Variants in OSGIN1 observed in about 807,000 individuals in gnomAD.
OSGIN1 encodes the protein oxidative stress-induced growth inhibitor 1.
A neutral mutation model predicts 20.1 loss-of-function variants in OSGIN1; 19 were observed. The observed-to-expected ratio is 0.95, with a 90% confidence interval of 0.66 to 1.39. The LOEUF (loss-of-function observed/expected upper bound fraction) is 1.39, where lower values mean the gene tolerates loss of function less well. Ranked by LOEUF, OSGIN1 falls within the 40% of genes most tolerant of loss-of-function variation. OSGIN1 has a pLI of 0.00. For synonymous variants in OSGIN1, 368 were observed against 297.8 expected (o/e 1.24, Z -2.43); for missense variants, 820 against 653.0 (o/e 1.26, Z -2.79).
chr16:83,960,513 T>G, intron 3 of OSGIN1, 56 bp from the exon 4 acceptor site: 1 of 1,446,580 alleles, frequency 6.9e-7, no homozygotes, highest in Non-Finnish European at 9.6e-7. Context: ...CCTCAGGCTC[T>G]GGGAAGACGA....
intron 1 of OSGIN1, among the ~76,000 whole-genome samples, chr16:83,956,513 AG>A (rs1455618544): frequency 6.6e-6 from 1 of 152,074 alleles, no homozygotes; most frequent in Non-Finnish European, 1.5e-5. Context: ...CTGGATCTCG[AG>A]GGACAGGCCG....
At chr16:83,964,589 A>G (rs995757778) in intron 5 of OSGIN1, among the ~76,000 whole-genome samples, 14 of 152,172 alleles carry the variant, frequency 9.2e-5, no homozygotes, top group African/African-American at 3.4e-4. Flanking sequence ...ATTTGAGGTG[A>G]CAATCATGGT....
At chr16:83,960,095 A>G (rs552510027) in intron 3 of OSGIN1, among the ~76,000 whole-genome samples, 5 of 152,244 alleles carry the variant, frequency 3.3e-5, no homozygotes, top group East Asian at 1.9e-4. Context: ...CTAGATCAGC[A>G]TTTTTCAAAG....
At chr16:83,961,397 C>G in intron 5 of OSGIN1, 1 of 347,462 alleles carries the variant, frequency 2.9e-6, no homozygotes, top group Non-Finnish European at 5.5e-6. Flanking sequence ...TAAACAGTTG[C>G]ATTCTTTTGA....
At chr16:83,959,182 A>C in intron 2 of OSGIN1, 78 bp from the exon 3 acceptor site, 1 of 994,562 alleles carries the variant, frequency 1.0e-6, no homozygotes, top group Non-Finnish European at 1.6e-6. Flanking sequence ...AATGCGCCGC[A>C]TCTAGATCAA....
At position 83,957,658 on chromosome 16, in the gene OSGIN1, G is replaced by GC. The variant is rs768915435; in HGVS notation, c.-8dup. On this transcript the variant is annotated 5_prime_UTR_variant, in exon 2 of 6. Coordinates refer to ENST00000393306, the MANE Select transcript of OSGIN1 (RefSeq NM_182981.3). ...ACTCCAGGTCCGCTGCCAGCCCCAA[G>GC]CCCCCCACCAGCCATGAGCTCCTCC... The GC allele has an allele frequency of 1.9e-6, 3 of 1,594,456 alleles. No homozygotes were observed. The highest frequency in any genetic ancestry group is 1.7e-4 in the Middle Eastern group (1 of 6,036).
chr16:83,965,450 GC>G lies in OSGIN1; in HGVS notation c.878del (p.Ala293GlyfsTer19). On this transcript the variant is annotated frameshift_variant, in exon 6 of 6. Transcript: ENST00000393306. LOFTEE classifies it low-confidence loss of function (END_TRUNC). ...PASDPVLIIG[A>X]GLSAADAVLY... Reference sequence around the variant, plus strand: ...CTCAGACCCTGTCCTCATCATTGGCGCGGGGCTGTCAGCGGCCGACGCGGTC... The same window carrying G: ...CTCAGACCCTGTCCTCATCATTGGCGGGGGCTGTCAGCGGCCGACGCGGTC... 1 of 1,598,104 alleles carries G rather than the reference GC, an allele frequency of 6.3e-7. No homozygotes were observed. Among genetic ancestry groups the G allele is most frequent in the Non-Finnish European group, 8.5e-7 (1 of 1,176,118 alleles).
Position 83,965,236 on chromosome 16 carries a change from G to A in OSGIN1, c.663G>A (p.Gln221=), listed in dbSNP as rs1053684228. 1.9e-6 allele frequency: 3 copies of A among 1,612,520 alleles called. No individual in the cohort carries two copies. Among genetic ancestry groups the A allele is most frequent in the Admixed American group, 3.3e-5 (2 of 60,000 alleles). The change falls in exon 6 of 6, where the codon CAG becomes CAA. Residue 221 remains glutamine (Q), a synonymous_variant. Transcript: ENST00000393306. ...CGAQDSSPLF[Q]VSGFLTRNQA... ...CCCAGGACTCCAGCCCCCTCTTCCA[G>A]GTGAGCGGCTTCCTGACCAGGAACC...
chr16:83,965,723 GAGA>G lies in OSGIN1; in HGVS notation c.1153_1155del (p.Lys385del). ...CGTGTTCCAGGACCTCGAGGGTGTC[GAGA>G]AGGTGTTTGGGGTCTCCCTGGTGCT... On this transcript the variant is annotated inframe_deletion, in exon 6 of 6. Coordinates refer to ENST00000393306, the MANE Select transcript of OSGIN1 (RefSeq NM_182981.3). The G allele has an allele frequency of 6.2e-7, 1 of 1,613,662 alleles. No individual in the cohort carries two copies. The highest frequency in any genetic ancestry group is 1.1e-5 in the South Asian group (1 of 91,078).
Position 83,961,263 on chromosome 16 carries a change from G to C in OSGIN1, c.488+191G>C. 5.2e-6 allele frequency: 3 copies of C among 581,800 alleles called. No individual in the cohort carries two copies. In the Admixed American group the frequency reaches 8.9e-5, roughly 17 times the overall value. The allele number at this position is 581,800 out of a possible 1,614,324, so 36.0% of individuals were successfully genotyped here. ...GCACAGCTTGGTTTTATACATTTTAGGGAGACATGAGACATCAATCAATAT... is the reference window on the plus strand; with the variant it reads ...GCACAGCTTGGTTTTATACATTTTACGGAGACATGAGACATCAATCAATAT... On this transcript the variant is annotated intron_variant, in intron 5 of 5. Transcript: ENST00000393306.
chr16:83,965,907 T>G lies in OSGIN1; in HGVS notation c.1334T>G (p.Met445Arg). The G allele has an allele frequency of 6.2e-7, 1 of 1,612,780 alleles. No individual in the cohort carries two copies. The highest frequency in any genetic ancestry group is 8.5e-7 in the Non-Finnish European group (1 of 1,179,978). The change falls in exon 6 of 6, where the codon ATG (methionine) becomes AGG (arginine). Residue 445 changes from methionine (M) to arginine (R), a missense_variant. Transcript: ENST00000393306. ...ACCCGCCAGGAGGGCCTGTACGCCATGGGGCCGCTGGCCGGGGACAACTTC... is the reference window on the plus strand; with the variant it reads ...ACCCGCCAGGAGGGCCTGTACGCCAGGGGGCCGCTGGCCGGGGACAACTTC... ...QSTRQEGLYA[M>R]GPLAGDNFVR...
chr16:83,965,489 C>G lies in OSGIN1; in HGVS notation c.916C>G (p.His306Asp). Residue 306 changes from histidine to aspartate, a missense_variant, in exon 6 of 6, where the codon CAC becomes GAC. Transcript: ENST00000393306. Reference sequence around the variant, plus strand: ...GGCCGACGCGGTCCTCTACGCCCGCCACTACAACATCCCGGTGATCCATGC... The same window carrying G: ...GGCCGACGCGGTCCTCTACGCCCGCGACTACAACATCCCGGTGATCCATGC... ...SAADAVLYAR[H>D]YNIPVIHAFR... The G allele has an allele frequency of 1.2e-6, 2 of 1,610,924 alleles. No homozygotes were observed. The highest frequency in any genetic ancestry group is 2.2e-5 in the South Asian group (2 of 91,066).
rs376253888 is a variant in OSGIN1 at position 83,965,528 on chromosome 16, G to A, written c.955G>A (p.Val319Met). The change falls in exon 6 of 6, where the codon GTG becomes ATG. Residue 319 changes from valine to methionine, a missense_variant. Transcript: ENST00000393306. ...IPVIHAFRRA[V>M]DDPGLVFNQL... is the part of the protein sequence containing the mutation. Reference sequence around the variant, plus strand: ...GGTGATCCATGCCTTCCGCCGGGCCGTGGACGACCCTGGCCTGGTGTTCAA... The same window carrying A: ...GGTGATCCATGCCTTCCGCCGGGCCATGGACGACCCTGGCCTGGTGTTCAA... 30 of 1,612,428 alleles carry A rather than the reference G, an allele frequency of 1.9e-5. No homozygotes were observed. The highest frequency in any genetic ancestry group is 4.5e-5 in the East Asian group (2 of 44,882).
chr16:83,963,378 C>T (rs78983349), intron 5 of OSGIN1, among the ~76,000 whole-genome samples: 2,684 of 152,206 alleles, frequency 0.018, 74 homozygotes, highest in African/African-American at 0.061. Flanking sequence ...AGTGAGCATC[C>T]CCAGTCCAGC....
rs140686634 is a variant in OSGIN1, at chr16:83,965,503, G to A, written c.930G>A (p.Pro310=). ...AVLYARHYNI[P]VIHAFRRAVD... ...TCTACGCCCGCCACTACAACATCCCGGTGATCCATGCCTTCCGCCGGGCCG... is the reference window on the plus strand; with the variant it reads ...TCTACGCCCGCCACTACAACATCCCAGTGATCCATGCCTTCCGCCGGGCCG... The change falls in exon 6 of 6, where the codon CCG becomes CCA. Residue 310 remains proline, a synonymous_variant. Transcript: ENST00000393306. 278 of 1,611,734 alleles carry A rather than the reference G, an allele frequency of 1.7e-4. No individual in the cohort carries two copies. In the African/African-American group the frequency reaches 2.9e-3, roughly 17 times the overall value.
rs375257718 is a variant in OSGIN1, at chr16:83,965,422, G to A, written c.849G>A (p.Pro283=). Residue 283 remains proline, a synonymous_variant, in exon 6 of 6, where the codon CCG becomes CCA. Transcript: ENST00000393306. ...EAATRVGAVT[P]ASDPVLIIGA... is the part of the protein sequence containing the mutation. ...CCACAAGGGTGGGTGCGGTGACCCC[G>A]GCCTCAGACCCTGTCCTCATCATTG... is the stretch of plus-strand genomic sequence containing the variant. 4.4e-5 allele frequency: 69 copies of A among 1,581,608 alleles called. No individual in the cohort carries two copies. Among genetic ancestry groups the A allele is most frequent in the African/African-American group, 2.0e-4 (15 of 74,668 alleles).
Position 83,957,626 on chromosome 16 carries a change from CT to C in OSGIN1, c.-32-13del. On this transcript the variant is annotated splice_polypyrimidine_tract_variant and intron_variant, in intron 1 of 5. Coordinates refer to ENST00000393306, the MANE Select transcript of OSGIN1 (RefSeq NM_182981.3). ...ACCCGAATGGACTCTTCCTTCCCCT[CT>C]CCCCCACTCCAGGTCCGCTGCCAGC... 7.4e-7 allele frequency: 1 copy of C among 1,354,878 alleles called. No individual in the cohort carries two copies. Among genetic ancestry groups the C allele is most frequent in the South Asian group, 1.2e-5 (1 of 81,668 alleles). The allele number at this position is 1,354,878 out of a possible 1,614,324, so 83.9% of individuals were successfully genotyped here.
Position 83,960,557 on chromosome 16 carries a change from G to GC in OSGIN1, c.205-6dup. The GC allele has an allele frequency of 1.2e-6, 2 of 1,610,596 alleles. No homozygotes were observed. The highest frequency in any genetic ancestry group is 1.7e-6 in the Non-Finnish European group (2 of 1,178,168). ...TCCTCCAGCAGCCCCTCTGACCTAT[G>GC]CCCCCCTCCAGGACCTGGACTACCT... On this transcript the variant is annotated splice_polypyrimidine_tract_variant and intron_variant, in intron 3 of 5. Transcript: ENST00000393306.
intron 4 of OSGIN1, 69 bp downstream of exon 4, chr16:83,960,829 A>T (rs1044128991): frequency 1.3e-6 from 2 of 1,533,068 alleles, no homozygotes; most frequent in Non-Finnish European, 1.8e-6. Flanking sequence ...TGGGGCTGGG[A>T]CTCTGGCATC....
Sources: allele counts gnomAD v4.1 joint callset (sites outside exome capture counted in the v4.1 genomes callset), GRCh38; gene constraint gnomAD v4.1.1; transcripts MANE v1.5; gene names NCBI Gene and HGNC (gene_info 2026-07-23, HGNC 2026-07-21).